The following PTPRD variants were observed in gnomAD, a reference collection of about 807,000 sequenced individuals.
The protein encoded by PTPRD is protein tyrosine phosphatase receptor type D.
Under a neutral mutation model 214.5 loss-of-function variants are expected in PTPRD, and 34 were observed. The ratio of observed to expected loss-of-function variants is 0.16; its 90% CI spans 0.12 to 0.21. The LOEUF is 0.21. PTPRD is among the 10% of genes least tolerant of loss of function. PTPRD has a pLI of 1.00. For synonymous variants in PTPRD, 1,128 were observed against 845.7 expected (o/e 1.33, Z -5.79); for missense variants, 2,545 against 2,398.7 (o/e 1.06, Z -1.27).
At chr9:9,299,676 A>G (rs1249899987) in intron 9 of PTPRD, among the ~76,000 whole-genome samples, 1 of 151,704 alleles carries the variant, frequency 6.6e-6, no homozygotes, top group Non-Finnish European at 1.5e-5. Flanking sequence ...TTGTGCCCAA[A>G]GTATTTTTGA....
At chr9:10,180,024 TTAG>T (rs2099272754) in intron 3 of PTPRD, among the ~76,000 whole-genome samples, 2 of 151,250 alleles carry the variant, frequency 1.3e-5, no homozygotes, top group South Asian at 2.1e-4. Context: ...AGAATAAATA[TTAG>T]TAGGCTAATC....
At chr9:9,966,957 T>A (rs1471490203) in intron 4 of PTPRD, among the ~76,000 whole-genome samples, 2 of 152,264 alleles carry the variant, frequency 1.3e-5, no homozygotes, top group African/African-American at 4.8e-5. Flanking sequence ...CTAGTCCCAT[T>A]TGACAGAAGT....
chr9:8,665,648 T>C (rs2097155848), intron 12 of PTPRD, among the ~76,000 whole-genome samples: 1 of 152,160 alleles, frequency 6.6e-6, no homozygotes, highest in African/African-American at 2.4e-5. Flanking sequence ...CCAAATCTGT[T>C]TTCCTGCTTT....
intron 3 of PTPRD, among the ~76,000 whole-genome samples, chr9:10,062,266 C>T (rs1041852590): frequency 6.6e-6 from 1 of 151,980 alleles, no homozygotes; most frequent in Non-Finnish European, 1.5e-5. Flanking sequence ...TAATTGTATT[C>T]CACCAAGCAC....
intron 7 of PTPRD, among the ~76,000 whole-genome samples, chr9:9,715,000 G>A (rs963431941): frequency 4.6e-5 from 7 of 152,116 alleles, no homozygotes; most frequent in African/African-American, 1.7e-4. Flanking sequence ...GCTTTTAGGG[G>A]AAGAAGAAAG....
chr9:9,587,172 T>C (rs1018930946), intron 7 of PTPRD, among the ~76,000 whole-genome samples: 3 of 151,982 alleles, frequency 2.0e-5, no homozygotes, highest in Admixed American at 6.6e-5. Flanking sequence ...ACTATTTTAG[T>C]TGTATTACAT....
chr9:9,870,655 T>G (rs889156810), intron 5 of PTPRD, among the ~76,000 whole-genome samples: 4 of 152,088 alleles, frequency 2.6e-5, no homozygotes, highest in Non-Finnish European at 4.4e-5. Context: ...ATAATGCTAT[T>G]TTGGTCATGT....
intron 9 of PTPRD, among the ~76,000 whole-genome samples, chr9:9,229,936 A>ACCT (rs2099962020): frequency 6.6e-6 from 1 of 152,172 alleles, no homozygotes; most frequent in Non-Finnish European, 1.5e-5. Context: ...GTGACTAGAT[A>ACCT]ATACTAGATT....
chr9:8,435,594 T>G (rs16927865), intron 35 of PTPRD, among the ~76,000 whole-genome samples: 1,587 of 152,302 alleles, frequency 0.01, 14 homozygotes, highest in South Asian at 0.031. Flanking sequence ...ATCGTCCAGT[T>G]ATCAACAATG....
intron 9 of PTPRD, among the ~76,000 whole-genome samples, chr9:9,330,593 T>G (rs1569567426): frequency 6.6e-6 from 1 of 152,104 alleles, no homozygotes; most frequent in African/African-American, 2.4e-5. Context: ...CTTTAATCTT[T>G]AATTGTATAA....
At chr9:9,868,280 T>TG (rs1681304274) in intron 5 of PTPRD, among the ~76,000 whole-genome samples, 3 of 152,078 alleles carry the variant, frequency 2.0e-5, no homozygotes, top group Admixed American at 2.0e-4. Flanking sequence ...GAAAAGAACT[T>TG]GAAGTTATAA....
chr9:8,808,677 A>G (rs1193070251), intron 11 of PTPRD, among the ~76,000 whole-genome samples: 1 of 152,062 alleles, frequency 6.6e-6, no homozygotes. Flanking sequence ...TTGACCTTGT[A>G]AATTATTAAT....
At chr9:9,697,761 G>A (rs1029204192) in intron 7 of PTPRD, among the ~76,000 whole-genome samples, 1 of 151,948 alleles carries the variant, frequency 6.6e-6, no homozygotes, top group African/African-American at 2.4e-5. Flanking sequence ...TCTACCCCTT[G>A]GTCTTGCTCA....
At chr9:8,624,754 T>C (rs927068901) in intron 14 of PTPRD, among the ~76,000 whole-genome samples, 2 of 151,802 alleles carry the variant, frequency 1.3e-5, no homozygotes, top group Non-Finnish European at 2.9e-5. Context: ...CACTGGAAGG[T>C]TGATACAAAT....
chr9:9,313,337 C>T (rs1177995620), intron 9 of PTPRD, among the ~76,000 whole-genome samples: 1 of 152,034 alleles, frequency 6.6e-6, no homozygotes, highest in Non-Finnish European at 1.5e-5. Flanking sequence ...AGAGTAAGTT[C>T]AGAAGAAAAC....
intron 5 of PTPRD, among the ~76,000 whole-genome samples, chr9:9,900,526 G>A (rs4375062): frequency 0.021 from 3,220 of 151,946 alleles, 43 homozygotes; most frequent in Middle Eastern, 0.034. Context: ...GGTCACAAGC[G>A]CAAGTCTCTA....
chr9:9,165,922 T>C (rs2099902644), intron 10 of PTPRD, among the ~76,000 whole-genome samples: 2 of 152,266 alleles, frequency 1.3e-5, no homozygotes, highest in East Asian at 1.9e-4. Context: ...CCAACTATAA[T>C]CACAAACCAG....
intron 3 of PTPRD, among the ~76,000 whole-genome samples, chr9:10,059,692 A>T (rs979906678): frequency 1.3e-5 from 2 of 151,966 alleles, no homozygotes; most frequent in African/African-American, 4.8e-5. Flanking sequence ...GGATTAACAA[A>T]TTACTACATC....
At chr9:9,048,588 T>G (rs1367166389) in intron 10 of PTPRD, among the ~76,000 whole-genome samples, 1 of 152,108 alleles carries the variant, frequency 6.6e-6, no homozygotes, top group Non-Finnish European at 1.5e-5. Flanking sequence ...CACTTATTTG[T>G]GGGACCTAAA....
Sources: allele counts gnomAD v4.1 joint callset (sites outside exome capture counted in the v4.1 genomes callset), GRCh38; gene constraint gnomAD v4.1.1; transcripts MANE v1.5; gene names NCBI Gene and HGNC (gene_info 2026-07-23, HGNC 2026-07-21).